CEP135: variants seen among roughly 807,000 people sequenced by gnomAD.
CEP135 encodes the protein centrosomal protein 135, also known as centrosomal protein of 135 kDa.
CEP135 carries 142 observed loss-of-function variants against 157.3 expected under a neutral mutation model. That is an observed-to-expected ratio of 0.90 (90% CI 0.79 to 1.04). The LOEUF (loss-of-function observed/expected upper bound fraction) is 1.04. CEP135 is among the 50% of genes least tolerant of loss of function. CEP135 has a pLI of 0.00. For synonymous variants in CEP135, 396 were observed against 439.8 expected, an observed-to-expected ratio of 0.90 and a Z score of 1.25; for missense variants, 1,317 against 1,309.2, an observed-to-expected ratio of 1.01 and a Z score of -0.09.
At chr4:55,950,149 A>C (rs1488400049) in intron 1 of CEP135, among the ~76,000 whole-genome samples, 1 of 152,250 alleles carries the variant, frequency 6.6e-6, no homozygotes, top group African/African-American at 2.4e-5. Context: ...AAAGTTAACA[A>C]GAGCAAAGAG....
At position 55,971,338 on chromosome 4, in the gene CEP135, A is replaced by C. The variant is rs1291336639; in HGVS notation, c.1179A>C (p.Glu393Asp). The change falls in exon 10 of 26, where the codon GAA (glutamate) becomes GAC (aspartate). Residue 393 changes from glutamate to aspartate, a missense_variant. Coordinates refer to ENST00000257287, the MANE Select transcript of CEP135 (RefSeq NM_025009.5). ...SDELLVKSDLETVVHQLEQEK... is the reference protein window; with the variant it reads ...SDELLVKSDLDTVVHQLEQEK... ...AACTCCTTGTAAAATCAGACCTAGA[A>C]ACTGTTGTTCATCAGCTTGAACAAG... 1 of 1,608,038 alleles carries C rather than the reference A, an allele frequency of 6.2e-7. No homozygotes were observed.
intron 24 of CEP135, among the ~76,000 whole-genome samples, chr4:56,023,709 ATAT>A (rs1731049808): frequency 7.0e-6 from 1 of 143,570 alleles, no homozygotes; most frequent in Non-Finnish European, 1.5e-5. Context: ...AATATACTGT[ATAT>A]TATATGTAAT....
chr4:56,017,566 G>A (rs1474187094), intron 21 of CEP135, 82 bp from the exon 22 acceptor site: 6 of 1,223,130 alleles, frequency 4.9e-6, no homozygotes, highest in Non-Finnish European at 6.7e-6. Context: ...TTTCTAAAGT[G>A]AGATTGTTGG....
intron 21 of CEP135, 104 bp downstream of exon 21, chr4:56,012,089 ACT>A (rs1373038946): frequency 3.4e-5 from 26 of 759,018 alleles, no homozygotes; most frequent in Non-Finnish European, 4.3e-5. Context: ...ATGAAGTCTG[ACT>A]CTGTTGCCCA....
At position 56,011,559 on chromosome 4, in the gene CEP135, G is replaced by GTT. The variant is rs371011577; in HGVS notation, c.2616+50_2616+51dup. The stretch of plus-strand genomic sequence containing the variant: ...TATTTAGGTTGGATTTAAGACTGAG[G>GTT]TTTTTTTTTTTTTTAACTTTTTCAT... On this transcript the variant is annotated intron_variant, in intron 20 of 25. Transcript: ENST00000257287. The GTT allele has an allele frequency of 3.1e-3, 3,494 of 1,135,170 alleles. 1 individual carries two copies. The highest frequency in any genetic ancestry group is 8.1e-3 in the African/African-American group (485 of 60,234). 70.3% of individuals were successfully genotyped at this position (1,135,170 alleles called of 1,614,324 possible). A position where few individuals can be genotyped will look rare whatever the true frequency, so the allele number is the denominator to read the frequency against.
chr4:56,011,271 T>C, intron 19 of CEP135, 141 bp from the exon 20 acceptor site: 1 of 591,640 alleles, frequency 1.7e-6, no homozygotes. Context: ...AGGAAAAATA[T>C]GTGAAAATAA....
At chr4:55,959,614 C>T in intron 5 of CEP135, 68 bp from the exon 6 acceptor site, 12 of 1,318,612 alleles carry the variant, frequency 9.1e-6, no homozygotes, top group Non-Finnish European at 1.2e-5. Flanking sequence ...AATAACACAT[C>T]TAGCTTCGTT....
chr4:55,972,767 C>T (rs913549988), intron 10 of CEP135, among the ~76,000 whole-genome samples: 2 of 152,210 alleles, frequency 1.3e-5, no homozygotes, highest in South Asian at 2.1e-4. Flanking sequence ...TGCGGTGGCT[C>T]ACGCCTGTAA....
Position 55,976,258 on chromosome 4 carries a change from G to T in CEP135, c.1473+1289G>T, listed in dbSNP as rs1729214016. Among the ~76,000 whole-genome samples the T allele has an allele frequency of 2.7e-5, 4 of 150,492 alleles. No homozygotes were observed. In the South Asian group the frequency reaches 8.4e-4, roughly 32 times the overall value. On this transcript the variant is annotated intron_variant, in intron 11 of 25. Transcript: ENST00000257287. ...GACAAAAAAAAAAAAAAGAAAGAAA[G>T]AAAGAAAGAAAAAGAATGAATTGGT... is the stretch of plus-strand genomic sequence containing the variant.
intron 8 of CEP135, among the ~76,000 whole-genome samples, chr4:55,967,063 C>T (rs569764803): frequency 4.6e-5 from 7 of 151,810 alleles, no homozygotes; most frequent in East Asian, 1.9e-4. Flanking sequence ...TACTATCATA[C>T]ATCTGTACAA....
At chr4:56,021,406 G>T (rs762864391) in intron 24 of CEP135, among the ~76,000 whole-genome samples, 3 of 152,128 alleles carry the variant, frequency 2.0e-5, no homozygotes, top group Non-Finnish European at 2.9e-5. Context: ...ATTCCCTACA[G>T]CTTGGTAATT....
chr4:56,005,025 G>T (rs1313335347), intron 17 of CEP135, among the ~76,000 whole-genome samples: 1 of 150,728 alleles, frequency 6.6e-6, no homozygotes, highest in African/African-American at 2.4e-5. Flanking sequence ...ATTTTCTCTG[G>T]TAGTATGTTT....
intron 4 of CEP135, 133 bp from the exon 5 acceptor site, chr4:55,957,090 T>C (rs1577864398): frequency 1.1e-6 from 1 of 877,102 alleles, no homozygotes; most frequent in Non-Finnish European, 1.7e-6. Flanking sequence ...TATATATTGA[T>C]GGAGAAAATA....
At chr4:55,969,908 T>A (rs916931484) in intron 9 of CEP135, among the ~76,000 whole-genome samples, 1 of 152,130 alleles carries the variant, frequency 6.6e-6, no homozygotes, top group Non-Finnish European at 1.5e-5. Context: ...GGGCTTGCCT[T>A]GTCACCTAGA....
intron 24 of CEP135, among the ~76,000 whole-genome samples, chr4:56,022,838 G>A (rs949304168): frequency 1.3e-5 from 2 of 152,170 alleles, no homozygotes; most frequent in East Asian, 1.9e-4. Context: ...GTTCGTGCCT[G>A]TAATCCCAGC....
rs767239422 is a variant in CEP135, at chr4:55,980,234, T to C, written c.1565T>C (p.Ile522Thr). The C allele has an allele frequency of 1.1e-5, 18 of 1,578,244 alleles. No homozygotes were observed. Among genetic ancestry groups the C allele is most frequent in the Admixed American group, 1.0e-4 (6 of 59,452 alleles). ...LERFEKYMEDIQSNVKLLTAE... is the reference protein window; with the variant it reads ...LERFEKYMEDTQSNVKLLTAE... ...AGATTTGAAAAATATATGGAAGATATACAGTCCAATGTTAAATTATTGACA... is the reference window on the plus strand; with the variant it reads ...AGATTTGAAAAATATATGGAAGATACACAGTCCAATGTTAAATTATTGACA... The change falls in exon 12 of 26, where the codon ATA (isoleucine) becomes ACA (threonine). Residue 522 changes from isoleucine to threonine, a missense_variant. Transcript: ENST00000257287.
chr4:56,019,397 G>A lies in CEP135; in HGVS notation c.3057G>A (p.Leu1019=). ...ATGTAAAGTCAGAGTCAGACCTACT[G>A]AAAAAACAACTTTCAAATGAGAGAC... ...LENVKSESDL[L]KKQLSNERHT... is the part of the protein sequence containing the mutation. Residue 1019 remains leucine, a synonymous_variant, in exon 23 of 26, where the codon CTG becomes CTA. Coordinates refer to ENST00000257287, the MANE Select transcript of CEP135 (RefSeq NM_025009.5). 6.2e-7 allele frequency: 1 copy of A among 1,613,700 alleles called. No homozygotes were observed. Among genetic ancestry groups the A allele is most frequent in the Non-Finnish European group, 8.5e-7 (1 of 1,179,882 alleles).
At chr4:55,950,542 T>C (rs540599144) in intron 1 of CEP135, among the ~76,000 whole-genome samples, 1 of 152,132 alleles carries the variant, frequency 6.6e-6, no homozygotes, top group African/African-American at 2.4e-5. Context: ...CCTAGCACTT[T>C]GGGAGGTAGA....
chr4:55,957,277 C>T lies in CEP135; in HGVS notation c.527C>T (p.Pro176Leu), dbSNP rs149954755. The T allele has an allele frequency of 6.9e-5, 112 of 1,613,912 alleles. No homozygotes were observed. The East Asian group carries it at 1.2e-3, about 18-fold the overall frequency. Residue 176 changes from proline to leucine, a missense_variant, in exon 5 of 26, where the codon CCG becomes CTG. Physicochemically the swap from Pro to Leu is moderately conservative, Grantham distance 98. Coordinates refer to ENST00000257287, the MANE Select transcript of CEP135 (RefSeq NM_025009.5). ...CGCCAGCGTATGCAAATTGATGAAC[C>T]GGTTCCTCCCTCTGAAGTCAGTTCA... is the stretch of plus-strand genomic sequence containing the variant. The part of the protein sequence containing the change: ...FRRQRMQIDE[P>L]VPPSEVSSYP...
Sources: gnomAD v4.1 joint callset for allele counts (sites outside exome capture counted in the v4.1 genomes callset) on GRCh38, gnomAD v4.1.1 for gene constraint, MANE v1.5 for transcripts, NCBI Gene and HGNC (gene_info 2026-07-23, HGNC 2026-07-21) for gene names.